The following PRDM5 variants were observed in gnomAD, a reference collection of about 807,000 sequenced individuals.
PRDM5 encodes PR/SET domain 5, also known as PR domain zinc finger protein 5.
Under a neutral mutation model 81.2 loss-of-function variants are expected in PRDM5, and 56 were observed. The observed-to-expected ratio is 0.69, with a 90% CI of 0.56 to 0.86. The LOEUF (loss-of-function observed/expected upper bound fraction) is 0.86. Among genes scored for constraint, PRDM5 ranks in the 40% least tolerant of loss-of-function variants. The pLI is 0.00. For missense variants in PRDM5, 697 were observed against 770.1 expected, an observed-to-expected ratio of 0.91 and a Z score of 1.12; for synonymous variants, 267 against 256.4, an observed-to-expected ratio of 1.04 and a Z score of -0.39.
chr4:120,841,161 A>C (rs1757985716), intron 3 of PRDM5, among the ~76,000 whole-genome samples: 1 of 152,178 alleles, frequency 6.6e-6, no homozygotes, highest in Admixed American at 6.5e-5. Context: ...ACATTTTCCT[A>C]GATTTTGTGA....
intron 8 of PRDM5, among the ~76,000 whole-genome samples, chr4:120,809,341 A>G (rs1753501958): frequency 6.6e-6 from 1 of 152,150 alleles, no homozygotes; most frequent in Non-Finnish European, 1.5e-5. Flanking sequence ...ATGTATACCT[A>G]TGTAACAAAC....
chr4:120,764,060 T>C (rs1157060514), intron 13 of PRDM5, among the ~76,000 whole-genome samples: 1 of 151,948 alleles, frequency 6.6e-6, no homozygotes, highest in Non-Finnish European at 1.5e-5. Flanking sequence ...AAGCACAAAT[T>C]AGGGGAAATC....
intron 14 of PRDM5, among the ~76,000 whole-genome samples, chr4:120,740,674 G>A (rs1385208168): frequency 6.6e-6 from 1 of 152,124 alleles, no homozygotes; most frequent in Non-Finnish European, 1.5e-5. Flanking sequence ...GCCATCTCAT[G>A]TGGGTCCCTA....
chr4:120,721,375 G>C (rs1738576956), intron 14 of PRDM5, among the ~76,000 whole-genome samples: 1 of 152,158 alleles, frequency 6.6e-6, no homozygotes. Flanking sequence ...GGTAGGGACA[G>C]GCACTAGCTT....
At position 120,821,356 on chromosome 4, in the gene PRDM5, T is replaced by A; in HGVS notation, c.301-11A>T. The A allele has an allele frequency of 6.2e-7, 1 of 1,608,848 alleles. No individual in the cohort carries two copies. The highest frequency in any genetic ancestry group is 1.3e-5 in the African/African-American group (1 of 74,914). On this transcript the variant is annotated splice_polypyrimidine_tract_variant and intron_variant, in intron 3 of 15. Coordinates refer to ENST00000264808, the MANE Select transcript of PRDM5 (RefSeq NM_018699.4). ...AATGTTTTCTCCTTCCTGAAACAAA[T>A]TTTTTTAAATGCTGAACCATTCATT...
At chr4:120,831,083 A>G (rs116803812) in intron 3 of PRDM5, among the ~76,000 whole-genome samples, 2,762 of 152,152 alleles carry the variant, frequency 0.018, 32 homozygotes, top group Middle Eastern at 0.031. Context: ...AAATATATAT[A>G]CTTCACTTTT....
At chr4:120,884,947 G>A (rs1446416044) in intron 2 of PRDM5, among the ~76,000 whole-genome samples, 4 of 151,422 alleles carry the variant, frequency 2.6e-5, no homozygotes, top group Non-Finnish European at 5.9e-5. Context: ...TCAGGAGATC[G>A]AGACCATCCT....
intron 10 of PRDM5, among the ~76,000 whole-genome samples, chr4:120,795,219 C>T (rs954832384): frequency 1.3e-5 from 2 of 152,146 alleles, no homozygotes; most frequent in African/African-American, 2.4e-5. Context: ...CTTCCATCAG[C>T]AAGTAAGTGG....
At chr4:120,865,921 G>C (rs1761156054) in intron 2 of PRDM5, among the ~76,000 whole-genome samples, 2 of 151,204 alleles carry the variant, frequency 1.3e-5, no homozygotes, top group Admixed American at 6.6e-5. Context: ...TTCTTGTTAA[G>C]ATGTCAAGAA....
At chr4:120,840,360 C>T (rs568247908) in intron 3 of PRDM5, among the ~76,000 whole-genome samples, 1 of 152,294 alleles carries the variant, frequency 6.6e-6, no homozygotes, top group Admixed American at 6.5e-5. Context: ...ATCACGGGCC[C>T]CAGGCCCAGC....
At chr4:120,704,316 A>G (rs917617170) in intron 15 of PRDM5, among the ~76,000 whole-genome samples, 2 of 152,324 alleles carry the variant, frequency 1.3e-5, no homozygotes, top group Non-Finnish European at 2.9e-5. Flanking sequence ...CTCTGTATAA[A>G]TCAGCCAAAT....
rs868596105 is a variant in PRDM5 at position 120,693,655 on chromosome 4, A to G, written c.*1456T>C. Reference sequence around the variant, plus strand: ...TTTAAAACTGGAACTGGGCATGAATATAATTCTAAAATGAGATTCCTGAAG... The same window carrying G: ...TTTAAAACTGGAACTGGGCATGAATGTAATTCTAAAATGAGATTCCTGAAG... On this transcript the variant is annotated 3_prime_UTR_variant, in exon 16 of 16. Transcript: ENST00000264808. The G allele has an allele frequency of 3.3e-5, 5 of 152,134 alleles. No individual in the cohort carries two copies. Among genetic ancestry groups the G allele is most frequent in the South Asian group, 2.1e-4 (1 of 4,834 alleles). 9.4% of individuals were successfully genotyped at this position (152,134 alleles called of 1,614,324 possible). A position where few individuals can be genotyped will look rare whatever the true frequency, so the allele number is the denominator to read the frequency against.
intron 2 of PRDM5, among the ~76,000 whole-genome samples, chr4:120,902,384 CAA>C: frequency 6.6e-6 from 1 of 152,110 alleles, no homozygotes; most frequent in Non-Finnish European, 1.5e-5. Flanking sequence ...GACGTAAAAA[CAA>C]AGAATTATTG....
intron 2 of PRDM5, among the ~76,000 whole-genome samples, chr4:120,901,351 G>C (rs994781567): frequency 6.6e-6 from 1 of 152,178 alleles, no homozygotes; most frequent in African/African-American, 2.4e-5. Flanking sequence ...TTTGTAATAT[G>C]CAATTTTCTA....
intron 2 of PRDM5, among the ~76,000 whole-genome samples, chr4:120,853,980 A>G (rs4833689): frequency 0.061 from 9,253 of 152,282 alleles, 447 homozygotes; most frequent in Middle Eastern, 0.17. Flanking sequence ...ACCTGCTTAC[A>G]GAATCATCTC....
intron 2 of PRDM5, among the ~76,000 whole-genome samples, chr4:120,902,899 C>T (rs570472634): frequency 6.6e-6 from 1 of 152,122 alleles, no homozygotes. Flanking sequence ...ACCCTAAGAT[C>T]CCTTCATACC....
At chr4:120,887,715 C>A (rs1025300555) in intron 2 of PRDM5, among the ~76,000 whole-genome samples, 3 of 151,806 alleles carry the variant, frequency 2.0e-5, no homozygotes, top group Non-Finnish European at 4.4e-5. Context: ...GGCCGCTACA[C>A]TTATTATTTA....
chr4:120,857,716 T>C (rs940368482), intron 2 of PRDM5, among the ~76,000 whole-genome samples: 18 of 152,040 alleles, frequency 1.2e-4, no homozygotes, highest in Admixed American at 7.2e-4. Flanking sequence ...AACGTGTAAA[T>C]GAAAGAAGAA....
At chr4:120,816,296 G>T in intron 7 of PRDM5, 157 bp downstream of exon 7, 1 of 1,116,116 alleles carries the variant, frequency 9.0e-7, no homozygotes, top group Non-Finnish European at 1.3e-6. Flanking sequence ...AAGAAATAGT[G>T]TTCAGTGAAA....
Sources: gnomAD v4.1 joint callset for allele counts (sites outside exome capture counted in the v4.1 genomes callset) on GRCh38, gnomAD v4.1.1 for gene constraint, MANE v1.5 for transcripts, NCBI Gene and HGNC (gene_info 2026-07-23, HGNC 2026-07-21) for gene names.